FBXO40: variants seen among roughly 807,000 people sequenced by gnomAD.
The protein encoded by FBXO40 is F-box protein 40, also known as F-box only protein 40.
A neutral mutation model predicts 49.9 loss-of-function variants in FBXO40; 50 were observed. That is an observed-to-expected ratio of 1.00 (90% CI 0.80 to 1.27). The LOEUF is 1.27. Ranked by LOEUF, FBXO40 falls within the 50% of genes most tolerant of loss-of-function variation. FBXO40 has a pLI of 0.00. For missense variants in FBXO40, 895 were observed against 870.1 expected, an observed-to-expected ratio of 1.03 and a Z score of -0.36; for synonymous variants, 340 against 320.2, an observed-to-expected ratio of 1.06 and a Z score of -0.66.
intron 1 of FBXO40, among the ~76,000 whole-genome samples, chr3:121,614,855 A>G (rs1184717865): frequency 6.6e-6 from 1 of 152,214 alleles, no homozygotes; most frequent in Non-Finnish European, 1.5e-5. Flanking sequence ...TGTTGCAGGA[A>G]AAGAGGGTCA....
At chr3:121,619,028 C>T (rs892330322) in intron 1 of FBXO40, among the ~76,000 whole-genome samples, 1 of 151,332 alleles carries the variant, frequency 6.6e-6, no homozygotes. Context: ...CAGGGTCTTA[C>T]TCTCTCACCC....
In FBXO40 at chr3:121,626,780, G is replaced by T; in HGVS notation, c.2000G>T (p.Cys667Phe). Reference protein sequence around the residue: ...VTSMSEHLKSCPFNIVEHKTD... With the variant: ...VTSMSEHLKSFPFNIVEHKTD... ...TCCATGTCTGAGCACCTGAAGTCCT[G>T]TCCTTTCAACATTGTAGAGCACAAA... The change falls in exon 4 of 4, where the codon TGT (cysteine) becomes TTT (phenylalanine). Residue 667 changes from cysteine to phenylalanine, a missense_variant. Physicochemically the swap from Cys to Phe is radical, Grantham distance 205. Coordinates refer to ENST00000338040, the MANE Select transcript of FBXO40 (RefSeq NM_016298.4). The T allele has an allele frequency of 6.2e-7, 1 of 1,614,140 alleles. No individual in the cohort carries two copies. The highest frequency in any genetic ancestry group is 8.5e-7 in the Non-Finnish European group (1 of 1,180,026).
chr3:121,608,337 T>G (rs6773252), intron 1 of FBXO40, among the ~76,000 whole-genome samples: 44,273 of 152,040 alleles, frequency 0.29, 7,785 homozygotes, highest in African/African-American at 0.49. Flanking sequence ...AAGGCATGCT[T>G]GGAATCATCA....
chr3:121,614,768 C>T (rs1287215338), intron 1 of FBXO40, among the ~76,000 whole-genome samples: 2 of 152,218 alleles, frequency 1.3e-5, no homozygotes, highest in Admixed American at 6.5e-5. Flanking sequence ...AGTCAGCCAA[C>T]TGATGCTGCG....
At chr3:121,610,830 A>G (rs1044891420) in intron 1 of FBXO40, among the ~76,000 whole-genome samples, 1 of 152,102 alleles carries the variant, frequency 6.6e-6, no homozygotes, top group Admixed American at 6.6e-5. Context: ...TAGTAGAGAC[A>G]GGGTTTCACC....
At chr3:121,623,685 G>A (rs1030188135) in intron 3 of FBXO40, among the ~76,000 whole-genome samples, 43 of 136,312 alleles carry the variant, frequency 3.2e-4, no homozygotes, top group African/African-American at 1.1e-3. Context: ...TATTTTTAAA[G>A]GCCTTTTTTT....
rs541557417 is a variant in FBXO40 at position 121,621,491 on chromosome 3, G to A, written c.62G>A (p.Arg21His). The A allele has an allele frequency of 6.7e-5, 108 of 1,614,196 alleles. No homozygotes were observed. Among genetic ancestry groups the A allele is most frequent in the East Asian group, 2.9e-4 (13 of 44,886 alleles). ...HHRHCEGCFN[R>H]HCHIPVEPNT... ...AGGCATTGTGAGGGATGCTTCAACC[G>A]CCACTGCCACATTCCTGTGGAACCC... The change falls in exon 3 of 4, where the codon CGC becomes CAC. Residue 21 changes from arginine (R) to histidine (H), a missense_variant. Arg to His is a conservative substitution (Grantham distance 29). Coordinates refer to ENST00000338040, the MANE Select transcript of FBXO40 (RefSeq NM_016298.4).
At chr3:121,608,305 G>A (rs371505426) in intron 1 of FBXO40, among the ~76,000 whole-genome samples, 2 of 152,094 alleles carry the variant, frequency 1.3e-5, no homozygotes, top group Admixed American at 6.5e-5. Context: ...TCCAAATGTC[G>A]GCATGACCAT....
intron 1 of FBXO40, among the ~76,000 whole-genome samples, chr3:121,618,547 C>T (rs972250199): frequency 3.8e-4 from 48 of 125,862 alleles, no homozygotes; most frequent in African/African-American, 1.4e-3. Flanking sequence ...CCACAGTGCC[C>T]GGTTAATTTT....
chr3:121,621,409 T>G, intron 2 of FBXO40, 24 bp from the exon 3 acceptor site: 1 of 1,582,254 alleles, frequency 6.3e-7, no homozygotes, highest in Non-Finnish European at 8.6e-7. Context: ...TTTGTTTTCT[T>G]CCCCCTGTCC....
chr3:121,604,089 G>C (rs575667250), intron 1 of FBXO40, among the ~76,000 whole-genome samples: 2 of 152,298 alleles, frequency 1.3e-5, no homozygotes, highest in South Asian at 4.1e-4. Flanking sequence ...CTTCTGTCAT[G>C]AGTGGACCCT....
Position 121,627,963 on chromosome 3 carries a change from A to G in FBXO40, c.*1053A>G. The stretch of plus-strand genomic sequence containing the variant: ...TTGGAGAGGAAGACATGTGAACATA[A>G]CGGCTCCCTGAAATTGCTCCTACCC... On this transcript the variant is annotated 3_prime_UTR_variant, in exon 4 of 4. Transcript: ENST00000338040. The G allele has an allele frequency of 2.5e-6, 1 of 398,602 alleles. No homozygotes were observed. The highest frequency in any genetic ancestry group is 3.6e-5 in the East Asian group (1 of 28,068). The allele number at this position is 398,602 out of a possible 1,614,324, so 24.7% of individuals were successfully genotyped here. A position where few individuals can be genotyped will look rare whatever the true frequency, so the allele number is the denominator to read the frequency against.
chr3:121,624,226 G>T (rs1051629829), intron 3 of FBXO40, among the ~76,000 whole-genome samples: 1 of 151,916 alleles, frequency 6.6e-6, no homozygotes, highest in African/African-American at 2.4e-5. Context: ...CCAACCTCAG[G>T]TGATCCACCC....
chr3:121,604,011 CCCAG>C (rs1416076502), intron 1 of FBXO40, among the ~76,000 whole-genome samples: 9 of 152,260 alleles, frequency 5.9e-5, no homozygotes, highest in Non-Finnish European at 1.5e-5. Flanking sequence ...GGCCACCACG[CCCAG>C]CTCTGGTCAT....
Position 121,621,955 on chromosome 3 carries a change from G to C in FBXO40, c.526G>C (p.Val176Leu), listed in dbSNP as rs756600680. ...VEEMGGAVGGVDIGLVPHGLS... is the reference protein window; with the variant it reads ...VEEMGGAVGGLDIGLVPHGLS... ...GGAAATGGGAGGAGCAGTGGGTGGA[G>C]TGGATATCGGTTTGGTACCACATGG... The change falls in exon 3 of 4, where the codon GTG becomes CTG. Residue 176 changes from valine (V) to leucine (L), a missense_variant. Transcript: ENST00000338040. 1.9e-6 allele frequency: 3 copies of C among 1,614,112 alleles called. No individual in the cohort carries two copies. Among genetic ancestry groups the C allele is most frequent in the Non-Finnish European group, 2.5e-6 (3 of 1,180,056 alleles).
Position 121,621,438 on chromosome 3 carries a change from A to G in FBXO40, c.9A>G (p.Lys3=), listed in dbSNP as rs772816063. 4.3e-6 allele frequency: 7 copies of G among 1,611,982 alleles called. No individual in the cohort carries two copies. In the South Asian group the frequency reaches 5.5e-5, roughly 13 times the overall value. ...CCTGTCCTTGGTGTGTCCAGGGGAA[A>G]GCCCGCAGATCCCCGCCAGGGCACC... The part of the protein sequence containing the change: MG[K]ARRSPPGHHR... The change falls in exon 3 of 4, where the codon AAA becomes AAG. Residue 3 remains lysine, a synonymous_variant. Coordinates refer to ENST00000338040, the MANE Select transcript of FBXO40 (RefSeq NM_016298.4).
At chr3:121,620,081 A>G (rs895152600) in intron 1 of FBXO40, among the ~76,000 whole-genome samples, 5 of 152,220 alleles carry the variant, frequency 3.3e-5, no homozygotes, top group Non-Finnish European at 7.3e-5. Flanking sequence ...AGACACCTAT[A>G]CACTGCCCCA....
intron 1 of FBXO40, among the ~76,000 whole-genome samples, chr3:121,595,115 G>A (rs576864848): frequency 9.2e-5 from 14 of 152,300 alleles, no homozygotes; most frequent in African/African-American, 3.4e-4. Context: ...CAAGTAAAAG[G>A]AGACCTAAAC....
At chr3:121,603,053 G>T (rs1271893295) in intron 1 of FBXO40, among the ~76,000 whole-genome samples, 2 of 152,170 alleles carry the variant, frequency 1.3e-5, no homozygotes, top group Non-Finnish European at 2.9e-5. Context: ...GGCCTTCTTG[G>T]GTCACAGACT....
Sources: gnomAD v4.1 joint callset for allele counts (sites outside exome capture counted in the v4.1 genomes callset) on GRCh38, gnomAD v4.1.1 for gene constraint, MANE v1.5 for transcripts, NCBI Gene and HGNC (gene_info 2026-07-23, HGNC 2026-07-21) for gene names.